MICAL3: variants seen among roughly 807,000 people sequenced by gnomAD.
The protein encoded by MICAL3 is microtubule associated monooxygenase, calponin and LIM domain containing 3, also known as [F-actin]-monooxygenase MICAL3.
MICAL3 carries 62 observed loss-of-function variants against 207.4 expected under a neutral mutation model. The observed-to-expected ratio is 0.30, with a 90% CI of 0.24 to 0.37. The LOEUF (loss-of-function observed/expected upper bound fraction) is 0.37, where lower values mean the gene tolerates loss of function less well. Ranked by LOEUF, MICAL3 falls within the 10% of genes least tolerant of loss-of-function variation. The pLI is 1.00. For missense variants in MICAL3, 2,368 were observed against 2,635.6 expected, an observed-to-expected ratio of 0.90 and a Z score of 2.22; for synonymous variants, 1,077 against 1,069.3, an observed-to-expected ratio of 1.01 and a Z score of -0.14.
At chr22:17,805,671 A>T (rs2061982261) in intron 29 of MICAL3, among the ~76,000 whole-genome samples, 1 of 152,226 alleles carries the variant, frequency 6.6e-6, no homozygotes, top group South Asian at 2.1e-4. Context: ...CAAATACCTG[A>T]TGTACAAATA....
chr22:17,933,733 T>G (rs140572475), intron 1 of MICAL3, among the ~76,000 whole-genome samples: 4,123 of 151,952 alleles, frequency 0.027, 177 homozygotes, highest in African/African-American at 0.094. Flanking sequence ...ACTAGCAAGA[T>G]TAATAAAGAA....
chr22:17,951,760 G>A (rs1438833440), intron 1 of MICAL3, among the ~76,000 whole-genome samples: 3 of 151,204 alleles, frequency 2.0e-5, no homozygotes, highest in African/African-American at 7.3e-5. Context: ...GCAGTGGCGC[G>A]ATCTTGGCTC....
intron 1 of MICAL3, among the ~76,000 whole-genome samples, chr22:17,991,562 T>C (rs898138648): frequency 1.3e-5 from 2 of 152,158 alleles, no homozygotes; most frequent in African/African-American, 4.8e-5. Flanking sequence ...CAGAAGGAAC[T>C]TGTCATAAGC....
At position 17,990,908 on chromosome 22, in the gene MICAL3, G is replaced by A. The variant is rs190055012; in HGVS notation, c.-75+33373C>T. Among the ~76,000 whole-genome samples the A allele has an allele frequency of 1.9e-3, 288 of 152,256 alleles. 2 individuals carry two copies. The highest frequency in any genetic ancestry group is 6.2e-3 in the African/African-American group (259 of 41,540). On this transcript the variant is annotated intron_variant, in intron 1 of 31. Coordinates refer to ENST00000441493, the MANE Select transcript of MICAL3 (RefSeq NM_015241.3). ...AAACCCCTTGACCTCTTTTACTACT[G>A]GGAATGATCTATATGCCCTGCTGGA...
chr22:17,859,299 C>T (rs1010500510), intron 19 of MICAL3, among the ~76,000 whole-genome samples: 2 of 152,304 alleles, frequency 1.3e-5, no homozygotes, highest in Non-Finnish European at 2.9e-5. Context: ...TTCAGGGGGA[C>T]GGAGGCCAGA....
At chr22:17,890,001 C>T (rs1930262928) in intron 12 of MICAL3, among the ~76,000 whole-genome samples, 1 of 152,158 alleles carries the variant, frequency 6.6e-6, no homozygotes, top group South Asian at 2.1e-4. Flanking sequence ...CAGCTCTGAT[C>T]AATCTTAGCC....
At chr22:17,812,447 C>G in intron 27 of MICAL3, 2 of 918,998 alleles carry the variant, frequency 2.2e-6, no homozygotes, top group South Asian at 5.0e-5. Context: ...GGGCCGGCGC[C>G]GGGTGGTTAA....
intron 1 of MICAL3, among the ~76,000 whole-genome samples, chr22:17,970,493 GACTC>G (rs1486195187): frequency 2.6e-5 from 4 of 152,222 alleles, no homozygotes; most frequent in Non-Finnish European, 4.4e-5. Context: ...GGCTGTGACC[GACTC>G]ACTATGTGGC....
intron 29 of MICAL3, among the ~76,000 whole-genome samples, chr22:17,792,978 C>T (rs2061839426): frequency 6.6e-6 from 1 of 151,552 alleles, no homozygotes; most frequent in African/African-American, 2.4e-5. Context: ...TGCAAGCTGT[C>T]CAGTGCGCCC....
At chr22:17,997,107 G>A (rs1350964303) in intron 1 of MICAL3, among the ~76,000 whole-genome samples, 1 of 141,980 alleles carries the variant, frequency 7.0e-6, no homozygotes, top group Non-Finnish European at 1.5e-5. Flanking sequence ...CCAGGCTGGA[G>A]TGCTGGAGTG....
At chr22:17,905,390 A>G (rs556243211) in intron 2 of MICAL3, among the ~76,000 whole-genome samples, 1 of 152,344 alleles carries the variant, frequency 6.6e-6, no homozygotes, top group South Asian at 2.1e-4. Context: ...AACGTCCAGG[A>G]ACATGATCTC....
intron 19 of MICAL3, chr22:17,860,633 GCTAA>G: frequency 1.0e-6 from 1 of 985,514 alleles, no homozygotes; most frequent in Non-Finnish European, 1.2e-6. Context: ...GGCTCAAACG[GCTAA>G]CTCAGTGGAG....
At position 17,817,550 on chromosome 22, in the gene MICAL3, G is replaced by T; in HGVS notation, c.5111C>A (p.Ser1704Tyr). The part of the protein sequence containing the change: ...GKSKKRSSLF[S>Y]PRRNKKEKKS... ...CTTCTCCTTCTTGTTTCTGCGGGGG[G>T]AGAAGAGTGACGACCTCTTCTTGCT... is the stretch of plus-strand genomic sequence containing the variant. The change falls in exon 26 of 32, where the codon TCC becomes TAC. Residue 1704 changes from serine (S) to tyrosine (Y), a missense_variant. Physicochemically the swap from Ser to Tyr is moderately radical, Grantham distance 144. Around this residue, in one of 4 missense-constraint regions of MICAL3, gnomAD observed 1,770 missense variants for 1,863.2 expected, o/e 0.95. Transcript: ENST00000441493. 3 of 1,613,444 alleles carry T rather than the reference G, an allele frequency of 1.9e-6. No homozygotes were observed. Among genetic ancestry groups the T allele is most frequent in the South Asian group, 1.1e-5 (1 of 91,052 alleles).
chr22:17,811,805 T>TA (rs2062051048), intron 27 of MICAL3, among the ~76,000 whole-genome samples: 1 of 152,204 alleles, frequency 6.6e-6, no homozygotes, highest in Non-Finnish European at 1.5e-5. Context: ...GGGGCAGTGA[T>TA]ACGATCATGG....
intron 16 of MICAL3, chr22:17,875,388 A>C (rs1005494303): frequency 1.8e-6 from 2 of 1,126,916 alleles, no homozygotes. Flanking sequence ...ACACTTGCGA[A>C]AGTGACGTGA....
intron 3 of MICAL3, among the ~76,000 whole-genome samples, chr22:17,903,683 T>C (rs1931503160): frequency 6.6e-6 from 1 of 152,196 alleles, no homozygotes; most frequent in Admixed American, 6.5e-5. Flanking sequence ...CGCAGAGAAC[T>C]GTGGGTCCCA....
chr22:17,865,448 CAAAT>C (rs967000789), intron 18 of MICAL3, among the ~76,000 whole-genome samples: 1 of 152,216 alleles, frequency 6.6e-6, no homozygotes, highest in African/African-American at 2.4e-5. Flanking sequence ...AATTCACAGA[CAAAT>C]AACTCACAGA....
intron 1 of MICAL3, among the ~76,000 whole-genome samples, chr22:17,934,779 T>C (rs951355233): frequency 1.8e-4 from 27 of 152,176 alleles, no homozygotes; most frequent in Non-Finnish European, 2.9e-4. Context: ...ACAAAATCAA[T>C]GTGCAAAAAT....
intron 11 of MICAL3, 115 bp from the exon 12 acceptor site, chr22:17,891,747 A>C (rs564153860): frequency 6.7e-6 from 6 of 889,172 alleles, no homozygotes; most frequent in Non-Finnish European, 1.1e-5. Context: ...TAGGGACGAA[A>C]CAGTCAACAC....
Sources: gnomAD v4.1 joint callset for allele counts (sites outside exome capture counted in the v4.1 genomes callset) on GRCh38, gnomAD v4.1.1 for gene constraint, gnomAD v4.1.1 regional missense constraint, MANE v1.5 for transcripts, NCBI Gene and HGNC (gene_info 2026-07-23, HGNC 2026-07-21) for gene names.